Variants in SPNS3 observed in about 807,000 individuals in gnomAD.
SPNS3 encodes SPNS lysolipid transporter 3, sphingosine-1-phosphate (putative).
A neutral mutation model predicts 54.4 loss-of-function variants in SPNS3; 51 were observed. The ratio of observed to expected loss-of-function variants is 0.94; its 90% confidence interval spans 0.75 to 1.18. The LOEUF (loss-of-function observed/expected upper bound fraction) is 1.18. Ranked by LOEUF, SPNS3 falls within the 50% of genes most tolerant of loss-of-function variation. SPNS3 has a pLI of 0.00. For missense variants in SPNS3, 669 were observed against 677.4 expected (o/e 0.99, Z 0.14); for synonymous variants, 309 against 294.7 (o/e 1.05, Z -0.50).
chr17:4,445,656 C>T (rs536426106), intron 3 of SPNS3, among the ~76,000 whole-genome samples: 85 of 152,190 alleles, frequency 5.6e-4, no homozygotes, highest in African/African-American at 7.7e-4. Context: ...GGATTACAGG[C>T]GTGAGCCACC....
At chr17:4,457,302 G>T (rs1051506425) in intron 8 of SPNS3, among the ~76,000 whole-genome samples, 1 of 152,226 alleles carries the variant, frequency 6.6e-6, no homozygotes, top group Non-Finnish European at 1.5e-5. Context: ...TGAGGCTGGA[G>T]AATTGTTTGA....
intron 9 of SPNS3, chr17:4,482,544 A>T (rs1567577476): frequency 6.6e-6 from 1 of 151,290 alleles, no homozygotes; most frequent in Non-Finnish European, 1.5e-5. Flanking sequence ...TCCAATGGGG[A>T]GCTCGTTCTG....
intron 8 of SPNS3, among the ~76,000 whole-genome samples, chr17:4,457,177 A>G (rs1439817067): frequency 6.6e-6 from 1 of 152,174 alleles, no homozygotes; most frequent in Non-Finnish European, 1.5e-5. Flanking sequence ...GGATCACTTG[A>G]GCTCAGGAGT....
chr17:4,470,566 A>G (rs1324000406), intron 8 of SPNS3, among the ~76,000 whole-genome samples: 6 of 152,134 alleles, frequency 3.9e-5, no homozygotes, highest in Non-Finnish European at 5.9e-5. Context: ...CCAAAAAGAA[A>G]TTTCATGCCT....
intron 8 of SPNS3, among the ~76,000 whole-genome samples, chr17:4,471,173 C>T (rs969598341): frequency 2.0e-5 from 3 of 152,240 alleles, no homozygotes; most frequent in South Asian, 2.1e-4. Context: ...ATCCACCCGC[C>T]TCGGCCTCCC....
chr17:4,470,411 G>A (rs1424800328), intron 8 of SPNS3, among the ~76,000 whole-genome samples: 1 of 152,094 alleles, frequency 6.6e-6, no homozygotes, highest in Non-Finnish European at 1.5e-5. Flanking sequence ...CTGGGCAACA[G>A]AGCAAGACCC....
chr17:4,458,065 C>T (rs1311537173), intron 8 of SPNS3, among the ~76,000 whole-genome samples: 1 of 151,976 alleles, frequency 6.6e-6, no homozygotes, highest in Non-Finnish European at 1.5e-5. Flanking sequence ...ATGTTCTGAC[C>T]TGAGATTCAG....
intron 8 of SPNS3, among the ~76,000 whole-genome samples, chr17:4,456,015 C>T (rs1476265211): frequency 6.6e-6 from 1 of 152,080 alleles, no homozygotes; most frequent in South Asian, 2.1e-4. Context: ...GGGGCTCTCA[C>T]TATGTTGCTC....
At chr17:4,480,877 G>A (rs534612205) in intron 9 of SPNS3, among the ~76,000 whole-genome samples, 9 of 152,188 alleles carry the variant, frequency 5.9e-5, no homozygotes, top group Non-Finnish European at 8.8e-5. Flanking sequence ...CCACCTGCCC[G>A]GAGCCCCGTG....
chr17:4,453,355 A>T, intron 8 of SPNS3, 150 bp downstream of exon 8: 1 of 793,660 alleles, frequency 1.3e-6, no homozygotes, highest in East Asian at 2.7e-5. Flanking sequence ...ACAGATCAGT[A>T]AAGAGAAGCT....
In SPNS3 at chr17:4,486,351, G is replaced by T. The variant is rs770044913; in HGVS notation, c.1278+25G>T. ...TGTAAGACGTGTCTGCGTGTGTGGGGTGGGGAGGGTCTGGGGGCCAGGCTG... is the reference window on the plus strand; with the variant it reads ...TGTAAGACGTGTCTGCGTGTGTGGGTTGGGGAGGGTCTGGGGGCCAGGCTG... On this transcript the variant is annotated intron_variant, in intron 10 of 11. Coordinates refer to ENST00000355530, the MANE Select transcript of SPNS3 (RefSeq NM_182538.5). This position sits in a 1 kb window ranked among gnomAD's most constrained non-coding sequence, Gnocchi z 5.5. 3.7e-6 allele frequency: 6 copies of T among 1,600,774 alleles called. No homozygotes were observed. In the South Asian group the frequency reaches 6.7e-5, roughly 18 times the overall value.
intron 8 of SPNS3, among the ~76,000 whole-genome samples, chr17:4,460,960 C>T (rs1363370454): frequency 2.0e-5 from 3 of 152,094 alleles, no homozygotes; most frequent in African/African-American, 7.2e-5. Context: ...AAGAAGTCAC[C>T]AGCGAAGCCA....
At chr17:4,484,265 A>G (rs953099526) in intron 9 of SPNS3, among the ~76,000 whole-genome samples, 6 of 152,166 alleles carry the variant, frequency 3.9e-5, no homozygotes, top group African/African-American at 7.2e-5. Flanking sequence ...GGGTTGTTCA[A>G]GTTGATATAT....
intron 2 of SPNS3, among the ~76,000 whole-genome samples, chr17:4,443,913 C>A (rs761784889): frequency 6.6e-6 from 1 of 152,174 alleles, no homozygotes; most frequent in Admixed American, 6.5e-5. Context: ...CCAGCCTGCA[C>A]AAGATGGTGA....
intron 8 of SPNS3, among the ~76,000 whole-genome samples, chr17:4,468,684 C>A (rs906181496): frequency 1.0e-4 from 15 of 148,876 alleles, no homozygotes; most frequent in African/African-American, 3.7e-4. Flanking sequence ...TTAGGACATT[C>A]AACTGGACCT....
chr17:4,448,601 C>T (rs541215144), intron 6 of SPNS3, among the ~76,000 whole-genome samples: 1 of 152,336 alleles, frequency 6.6e-6, no homozygotes, highest in Non-Finnish European at 1.5e-5. Flanking sequence ...CCTCAACGTC[C>T]TTTGTATTCA....
intron 8 of SPNS3, among the ~76,000 whole-genome samples, chr17:4,470,268 A>C (rs1440971951): frequency 6.6e-6 from 1 of 151,978 alleles, no homozygotes; most frequent in Non-Finnish European, 1.5e-5. Context: ...GTCTCTACTA[A>C]AAATACAAAA....
rs569226279 is a variant in SPNS3 at position 4,483,142 on chromosome 17, G to T, written c.1180-3086G>T. The stretch of plus-strand genomic sequence containing the variant: ...CACTGGCCTGTCTCACCCTCTCAGG[G>T]GCGTCTGGGGGCGAGGCCTGGGTGG... On this transcript the variant is annotated intron_variant, in intron 9 of 11. Transcript: ENST00000355530. This position sits in a 1 kb window ranked among gnomAD's most constrained non-coding sequence, Gnocchi z 4.2. 6.6e-6 allele frequency among the ~76,000 whole-genome samples: 1 copy of T among 152,312 alleles called. No individual in the cohort carries two copies. The highest frequency in any genetic ancestry group is 2.1e-4 in the South Asian group (1 of 4,824).
chr17:4,470,550 C>T (rs1018509798), intron 8 of SPNS3, among the ~76,000 whole-genome samples: 17 of 152,194 alleles, frequency 1.1e-4, no homozygotes, highest in African/African-American at 4.1e-4. Flanking sequence ...GAACATTTTG[C>T]TCACCCCAAA....
Sources: gnomAD v4.1 joint callset for allele counts (sites outside exome capture counted in the v4.1 genomes callset) on GRCh38, gnomAD v4.1.1 for gene constraint, Gnocchi (gnomAD v3.1) non-coding constraint, MANE v1.5 for transcripts, NCBI Gene and HGNC (gene_info 2026-07-23, HGNC 2026-07-21) for gene names.